SLC9C1: variants seen among roughly 807,000 people sequenced by gnomAD.
SLC9C1 encodes solute carrier family 9 member C1.
In SLC9C1, 97 loss-of-function variants were observed where a neutral mutation model predicts 140.9. The observed-to-expected ratio is 0.69, with a 90% confidence interval of 0.58 to 0.82. The LOEUF (loss-of-function observed/expected upper bound fraction) is 0.82, where lower values mean the gene tolerates loss of function less well. Among genes scored for constraint, SLC9C1 ranks in the 40% least tolerant of loss-of-function variants. The pLI is 0.00. For missense variants in SLC9C1, 1,340 were observed against 1,389.3 expected (o/e 0.96, Z 0.56); for synonymous variants, 440 against 442.6 (o/e 0.99, Z 0.07).
At chr3:112,207,602 T>C (rs1441084404) in intron 16 of SLC9C1, among the ~76,000 whole-genome samples, 1 of 152,188 alleles carries the variant, frequency 6.6e-6, no homozygotes, top group Non-Finnish European at 1.5e-5. Flanking sequence ...GGAAGTAGTG[T>C]TCCTTAATGT....
chr3:112,283,144 G>C (rs1403102722), intron 2 of SLC9C1, among the ~76,000 whole-genome samples: 1 of 152,074 alleles, frequency 6.6e-6, no homozygotes, highest in Non-Finnish European at 1.5e-5. Flanking sequence ...TTTACTCTTT[G>C]CAGACCTCAA....
intron 10 of SLC9C1, among the ~76,000 whole-genome samples, chr3:112,244,405 T>C (rs1285024178): frequency 6.6e-6 from 1 of 152,242 alleles, no homozygotes. Context: ...GAGAATACAC[T>C]TATACTTTAT....
chr3:112,203,973 AT>A (rs909821756), intron 17 of SLC9C1, among the ~76,000 whole-genome samples: 3 of 151,964 alleles, frequency 2.0e-5, no homozygotes, highest in African/African-American at 7.2e-5. Flanking sequence ...TGTGCTGTCT[AT>A]TTAAAGGAAA....
chr3:112,286,759 A>C lies in SLC9C1; in HGVS notation c.33T>G (p.Ser11Arg). The C allele has an allele frequency of 6.2e-7, 1 of 1,612,724 alleles. No individual in the cohort carries two copies. The highest frequency in any genetic ancestry group is 8.5e-7 in the Non-Finnish European group (1 of 1,179,548). Residue 11 changes from serine (S) to arginine (R), a missense_variant, in exon 2 of 29, where the codon AGT (serine) becomes AGG (arginine). Physicochemically the swap from Ser to Arg is moderately radical, Grantham distance 110. Coordinates refer to ENST00000305815, the MANE Select transcript of SLC9C1 (RefSeq NM_183061.3). MAGIFKEFFF[S>R]TEDLPEVILT... The stretch of plus-strand genomic sequence containing the variant: ...GAATGACTTCAGGGAGGTCCTCAGT[A>C]CTGAAAAAAAACTCCTTAAATATTC...
At chr3:112,177,436 C>G (rs976204989) in intron 23 of SLC9C1, among the ~76,000 whole-genome samples, 5 of 151,792 alleles carry the variant, frequency 3.3e-5, no homozygotes, top group African/African-American at 1.2e-4. Context: ...TTGGGTCTTT[C>G]TCCGTGTAAG....
chr3:112,235,040 G>A (rs1208028135), intron 12 of SLC9C1, among the ~76,000 whole-genome samples: 1 of 151,132 alleles, frequency 6.6e-6, no homozygotes, highest in East Asian at 1.9e-4. Flanking sequence ...TGATGGGGAT[G>A]GCATTGAATC....
chr3:112,177,275 G>A (rs1427369300), intron 23 of SLC9C1, among the ~76,000 whole-genome samples: 2 of 151,680 alleles, frequency 1.3e-5, no homozygotes, highest in Non-Finnish European at 2.9e-5. Flanking sequence ...CCAAAGTGCT[G>A]AGATTACAGG....
At chr3:112,145,091 A>G (rs2074746771) in intron 28 of SLC9C1, among the ~76,000 whole-genome samples, 1 of 152,102 alleles carries the variant, frequency 6.6e-6, no homozygotes. Context: ...CCCAAAAATA[A>G]TAGGAGCTTG....
intron 15 of SLC9C1, among the ~76,000 whole-genome samples, chr3:112,212,186 C>T (rs1363671841): frequency 3.3e-5 from 5 of 152,138 alleles, no homozygotes; most frequent in Non-Finnish European, 5.9e-5. Flanking sequence ...AAAGGACATC[C>T]ACACCAAAAC....
chr3:112,212,139 GA>G lies in SLC9C1; in HGVS notation c.1791-3767del, dbSNP rs563166784. 1.5e-4 allele frequency among the ~76,000 whole-genome samples: 23 copies of G among 152,332 alleles called. No homozygotes were observed. In the East Asian group the frequency reaches 4.2e-3, roughly 28 times the overall value. On this transcript the variant is annotated intron_variant, in intron 15 of 28. Coordinates refer to ENST00000305815, the MANE Select transcript of SLC9C1 (RefSeq NM_183061.3). ...AGCAAACTCCAACAGACCTGCAGCTGAGGGTCCTGACTGTTAGAAGGAAAAG... is the reference window on the plus strand; with the variant it reads ...AGCAAACTCCAACAGACCTGCAGCTGGGGTCCTGACTGTTAGAAGGAAAAG...
At chr3:112,250,775 A>T (rs2079433320) in intron 10 of SLC9C1, among the ~76,000 whole-genome samples, 1 of 152,206 alleles carries the variant, frequency 6.6e-6, no homozygotes, top group African/African-American at 2.4e-5. Context: ...AGAAAAAGGG[A>T]CAGTTATATA....
At chr3:112,144,706 A>C (rs7627472) in intron 28 of SLC9C1, among the ~76,000 whole-genome samples, 2,438 of 152,138 alleles carry the variant, frequency 0.016, 58 homozygotes, top group African/African-American at 0.054. Context: ...GTGTGTGTAT[A>C]TATTGTAAAT....
At chr3:112,274,140 A>G (rs1472551956) in intron 6 of SLC9C1, among the ~76,000 whole-genome samples, 1 of 152,128 alleles carries the variant, frequency 6.6e-6, no homozygotes, top group Non-Finnish European at 1.5e-5. Context: ...CTAGCCAGGG[A>G]TTCAGAGACT....
intron 28 of SLC9C1, among the ~76,000 whole-genome samples, chr3:112,149,125 G>C (rs1269167555): frequency 6.6e-6 from 1 of 152,154 alleles, no homozygotes; most frequent in Non-Finnish European, 1.5e-5. Flanking sequence ...GCGTGGAGCA[G>C]AGAAGGTCCC....
At chr3:112,286,093 T>A (rs1438882802) in intron 2 of SLC9C1, among the ~76,000 whole-genome samples, 2 of 152,174 alleles carry the variant, frequency 1.3e-5, no homozygotes, top group Admixed American at 1.3e-4. Flanking sequence ...TGCTTTTATG[T>A]GTTGCTATAT....
At chr3:112,186,949 G>A (rs143591698) in intron 20 of SLC9C1, among the ~76,000 whole-genome samples, 220 of 152,256 alleles carry the variant, frequency 1.4e-3, no homozygotes, top group Admixed American at 2.3e-3. Context: ...CATTCTAAAT[G>A]GCATTGCTTC....
At chr3:112,248,879 T>A (rs2079368650) in intron 10 of SLC9C1, among the ~76,000 whole-genome samples, 1 of 152,232 alleles carries the variant, frequency 6.6e-6, no homozygotes, top group African/African-American at 2.4e-5. Context: ...ATGTATAAAA[T>A]CATATCTTCT....
chr3:112,190,159 T>G (rs906722352), intron 20 of SLC9C1, among the ~76,000 whole-genome samples: 1 of 152,226 alleles, frequency 6.6e-6, no homozygotes, highest in Non-Finnish European at 1.5e-5. Flanking sequence ...TTTCTAGATA[T>G]ACAATCATGT....
chr3:112,220,585 G>A (rs1043904880), intron 14 of SLC9C1, among the ~76,000 whole-genome samples: 19 of 152,214 alleles, frequency 1.2e-4, no homozygotes, highest in Non-Finnish European at 2.1e-4. Context: ...CCCAATCATA[G>A]ATCCAGCATT....
Sources: gnomAD v4.1 joint callset for allele counts (sites outside exome capture counted in the v4.1 genomes callset) on GRCh38, gnomAD v4.1.1 for gene constraint, MANE v1.5 for transcripts, NCBI Gene and HGNC (gene_info 2026-07-23, HGNC 2026-07-21) for gene names.